CRADD: variants seen among roughly 807,000 people sequenced by gnomAD.
CRADD encodes CARD and death domain containing adaptor protein, also known as death domain-containing protein CRADD.
Under a neutral mutation model 15.5 loss-of-function variants are expected in CRADD, and 9 were observed. The ratio of observed to expected loss-of-function variants is 0.58; its 90% CI spans 0.35 to 1.01. The LOEUF (loss-of-function observed/expected upper bound fraction) is 1.01, where lower values mean the gene tolerates loss of function less well. CRADD is among the 50% of genes least tolerant of loss of function. CRADD has a pLI of 0.02. For synonymous variants in CRADD, 118 were observed against 107.6 expected, an observed-to-expected ratio of 1.10 and a Z score of -0.60; for missense variants, 227 against 250.3, an observed-to-expected ratio of 0.91 and a Z score of 0.63.
chr12:93,812,872 T>C (rs1957645548), intron 2 of CRADD, among the ~76,000 whole-genome samples: 1 of 152,360 alleles, frequency 6.6e-6, no homozygotes, highest in African/African-American at 2.4e-5. Context: ...ATATACCGCA[T>C]CTTGAGTTGA....
chr12:93,774,721 C>T (rs1957123745), intron 2 of CRADD, among the ~76,000 whole-genome samples: 1 of 152,164 alleles, frequency 6.6e-6, no homozygotes, highest in Admixed American at 6.5e-5. Flanking sequence ...AATCTTCACT[C>T]ACTCACTCAT....
At chr12:93,822,056 T>C (rs1191606847) in intron 2 of CRADD, among the ~76,000 whole-genome samples, 1 of 151,034 alleles carries the variant, frequency 6.6e-6, no homozygotes, top group Non-Finnish European at 1.5e-5. Context: ...AGGCAGAGGC[T>C]GCAGTGAGCC....
At chr12:93,744,513 T>C (rs1956725107) in intron 2 of CRADD, among the ~76,000 whole-genome samples, 1 of 152,212 alleles carries the variant, frequency 6.6e-6, no homozygotes, top group Non-Finnish European at 1.5e-5. Context: ...ATTAGTAACC[T>C]TAATCACACT....
At chr12:93,826,009 A>C (rs1158546455) in intron 2 of CRADD, among the ~76,000 whole-genome samples, 1 of 152,256 alleles carries the variant, frequency 6.6e-6, no homozygotes, top group Non-Finnish European at 1.5e-5. Flanking sequence ...CCTATAAAGT[A>C]CATGAATGGC....
intron 2 of CRADD, among the ~76,000 whole-genome samples, chr12:93,782,912 T>A (rs1226402465): frequency 1.3e-5 from 2 of 152,136 alleles, no homozygotes; most frequent in African/African-American, 4.8e-5. Context: ...GAAATCAGAA[T>A]GGTAAAATAT....
intron 2 of CRADD, among the ~76,000 whole-genome samples, chr12:93,864,704 G>A (rs1474346253): frequency 1.3e-5 from 2 of 152,134 alleles, no homozygotes; most frequent in African/African-American, 2.4e-5. Flanking sequence ...CATGATTAAC[G>A]AAGGTCTCAG....
chr12:93,799,711 C>T (rs1390408681), intron 2 of CRADD, among the ~76,000 whole-genome samples: 3 of 152,084 alleles, frequency 2.0e-5, no homozygotes, highest in African/African-American at 7.2e-5. Context: ...TGAAAAAATA[C>T]CCAGATAGTT....
exon 3 of CRADD, chr12:93,894,578 G>A (rs1022419219): frequency 3.2e-5 from 5 of 158,598 alleles, no homozygotes; most frequent in Non-Finnish European, 5.6e-5. Flanking sequence ...AACTGACTGC[G>A]GGACATGCGG....
rs10859552 is a variant in CRADD, at chr12:93,685,972, G to T, written c.298+6900G>T. Among the ~76,000 whole-genome samples, 1,389 of 149,282 alleles carry T rather than the reference G, an allele frequency of 9.3e-3. 15 individuals are homozygous for T. The highest frequency in any genetic ancestry group is 0.033 in the African/African-American group (1,329 of 40,458). ...CGCGCCATTGCACTCCAGCCTGGGG[G>T]ACAAGAGCGAAACTTCGTCTAAAAA... is the stretch of plus-strand genomic sequence containing the variant. On this transcript the variant is annotated intron_variant, in intron 2 of 2. Coordinates refer to ENST00000332896, the MANE Select transcript of CRADD (RefSeq NM_003805.5).
intron 2 of CRADD, among the ~76,000 whole-genome samples, chr12:93,839,860 A>G (rs1958027118): frequency 6.6e-6 from 1 of 152,198 alleles, no homozygotes; most frequent in Non-Finnish European, 1.5e-5. Context: ...CTTAGACATC[A>G]GCTTGGATCA....
chr12:93,701,702 C>T (rs566448048), intron 2 of CRADD, among the ~76,000 whole-genome samples: 12 of 152,312 alleles, frequency 7.9e-5, no homozygotes, highest in African/African-American at 2.9e-4. Context: ...GTAACATTCT[C>T]TATGCTGGCA....
intron 2 of CRADD, among the ~76,000 whole-genome samples, chr12:93,797,071 G>C (rs1402067095): frequency 6.6e-6 from 1 of 152,156 alleles, no homozygotes; most frequent in Non-Finnish European, 1.5e-5. Flanking sequence ...TCTGGCATCA[G>C]AATTTGCTTT....
intron 2 of CRADD, among the ~76,000 whole-genome samples, chr12:93,843,280 T>C (rs1041849993): frequency 6.6e-6 from 1 of 152,146 alleles, no homozygotes; most frequent in Non-Finnish European, 1.5e-5. Context: ...ATAATGCACT[T>C]CCTAAGCTTC....
chr12:93,751,220 C>T (rs1956825283), intron 2 of CRADD, among the ~76,000 whole-genome samples: 1 of 152,150 alleles, frequency 6.6e-6, no homozygotes, highest in Non-Finnish European at 1.5e-5. Flanking sequence ...TTACAAAGCA[C>T]AGATCACAAA....
chr12:93,715,874 G>C (rs1323681458), intron 2 of CRADD, among the ~76,000 whole-genome samples: 1 of 152,160 alleles, frequency 6.6e-6, no homozygotes, highest in Non-Finnish European at 1.5e-5. Flanking sequence ...GGGCACAGTG[G>C]CTCATGCCTG....
intron 2 of CRADD, among the ~76,000 whole-genome samples, chr12:93,802,185 C>A (rs1435117521): frequency 6.6e-6 from 1 of 152,164 alleles, no homozygotes; most frequent in Admixed American, 6.5e-5. Flanking sequence ...CATATGACTT[C>A]TTTTCCTCTG....
chr12:93,811,960 A>G (rs902909576), intron 2 of CRADD, among the ~76,000 whole-genome samples: 5 of 152,236 alleles, frequency 3.3e-5, no homozygotes, highest in African/African-American at 9.6e-5. Context: ...GATAAAAGAA[A>G]TGAGCTGTCA....
chr12:93,828,203 A>G (rs936743840), intron 2 of CRADD, among the ~76,000 whole-genome samples: 1 of 152,216 alleles, frequency 6.6e-6, no homozygotes, highest in Non-Finnish European at 1.5e-5. Flanking sequence ...ATATATATGT[A>G]TACAAGTCCT....
chr12:93,693,451 T>C (rs1311070956), intron 2 of CRADD, among the ~76,000 whole-genome samples: 2 of 152,064 alleles, frequency 1.3e-5, no homozygotes, highest in South Asian at 2.1e-4. Context: ...GCTATACTTA[T>C]GTCAGACCAA....
Sources: allele counts gnomAD v4.1 joint callset (sites outside exome capture counted in the v4.1 genomes callset), GRCh38; gene constraint gnomAD v4.1.1; transcripts MANE v1.5; gene names NCBI Gene and HGNC (gene_info 2026-07-23, HGNC 2026-07-21).